RYR2: variants seen among roughly 807,000 people sequenced by gnomAD.
RYR2 encodes the protein cardiac muscle ryanodine receptor-calcium release channel.
Under a neutral mutation model 601.1 loss-of-function variants are expected in RYR2, and 227 were observed. The observed-to-expected ratio is 0.38, with a 90% CI of 0.34 to 0.42. The LOEUF (loss-of-function observed/expected upper bound fraction) is 0.42, where lower values mean the gene tolerates loss of function less well. RYR2 is among the 10% of genes least tolerant of loss of function. The pLI, the probability that RYR2 is intolerant of heterozygous loss-of-function variation, is 1.00. For synonymous variants in RYR2, 2,223 were observed against 2,175.1 expected (o/e 1.02, Z -0.61); for missense variants, 4,646 against 6,156.5 (o/e 0.75, Z 8.21).
intron 1 of RYR2, among the ~76,000 whole-genome samples, chr1:237,132,694 G>A (rs1672291581): frequency 6.6e-6 from 1 of 152,022 alleles, no homozygotes; most frequent in Non-Finnish European, 1.5e-5. Flanking sequence ...AAAAGAAAGG[G>A]GTAGAATAAG....
At chr1:237,606,309 A>C (rs986940772) in intron 35 of RYR2, among the ~76,000 whole-genome samples, 65 of 152,254 alleles carry the variant, frequency 4.3e-4, no homozygotes, top group Admixed American at 3.3e-4. Context: ...CAAAAACAAG[A>C]AATGGGGAAA....
At chr1:237,331,544 C>T (rs1467172627) in intron 3 of RYR2, among the ~76,000 whole-genome samples, 1 of 150,574 alleles carries the variant, frequency 6.6e-6, no homozygotes, top group African/African-American at 2.5e-5. Flanking sequence ...GCTCTGTCAC[C>T]CAGGCTGGAG....
chr1:237,744,688 G>C (rs925058792), intron 80 of RYR2, among the ~76,000 whole-genome samples: 4 of 147,128 alleles, frequency 2.7e-5, no homozygotes, highest in Non-Finnish European at 4.5e-5. Flanking sequence ...TAGTTTGTAA[G>C]TGTAAACTAT....
intron 12 of RYR2, among the ~76,000 whole-genome samples, chr1:237,435,899 G>A (rs1351796023): frequency 1.3e-5 from 2 of 152,142 alleles, no homozygotes; most frequent in African/African-American, 4.8e-5. Context: ...GATTGTGAGG[G>A]CTGGGTAAGT....
At chr1:237,296,548 A>G (rs922450794) in intron 2 of RYR2, among the ~76,000 whole-genome samples, 1 of 152,220 alleles carries the variant, frequency 6.6e-6, no homozygotes, top group African/African-American at 2.4e-5. Flanking sequence ...AGAGAAAGGC[A>G]GACTTATTAA....
chr1:237,789,530 A>AAT (rs1658100872), intron 92 of RYR2, among the ~76,000 whole-genome samples: 3 of 123,968 alleles, frequency 2.4e-5, no homozygotes, highest in South Asian at 2.4e-4. Flanking sequence ...TAGTTCTATT[A>AAT]TAGGTCATGG....
chr1:237,599,832 C>T (rs1676305917), intron 34 of RYR2, among the ~76,000 whole-genome samples: 1 of 138,036 alleles, frequency 7.2e-6, no homozygotes, highest in Non-Finnish European at 1.5e-5. Context: ...AAAAAAAAAT[C>T]AGTTATCTAG....
At chr1:237,274,624 G>T (rs777576480) in intron 2 of RYR2, among the ~76,000 whole-genome samples, 8 of 152,236 alleles carry the variant, frequency 5.3e-5, no homozygotes, top group African/African-American at 1.7e-4. Context: ...TGCAGCCTAA[G>T]TGTACAGCGT....
Position 237,677,897 on chromosome 1 carries a change from C to A in RYR2, c.8831-151C>A, listed in dbSNP as rs193001082. 4 of 596,150 alleles carry A rather than the reference C, an allele frequency of 6.7e-6. No homozygotes were observed. In the East Asian group the frequency reaches 8.4e-5, roughly 12 times the overall value. The allele number at this position is 596,150 out of a possible 1,614,324, so 36.9% of individuals were successfully genotyped here. ...CATCCTTTTATTTTTAATGACACTG[C>A]CAAAGTTTGCCTTTATATTTTTGGT... On this transcript the variant is annotated intron_variant, in intron 60 of 104. Transcript: ENST00000366574.
intron 25 of RYR2, among the ~76,000 whole-genome samples, chr1:237,531,134 T>C (rs1668100726): frequency 6.6e-6 from 1 of 152,218 alleles, no homozygotes; most frequent in South Asian, 2.1e-4. Flanking sequence ...AGCTTTCTAC[T>C]TTCTGCCCAA....
chr1:237,527,043 A>G (rs903819682), intron 24 of RYR2, among the ~76,000 whole-genome samples: 7 of 152,188 alleles, frequency 4.6e-5, no homozygotes, highest in African/African-American at 1.4e-4. Context: ...TTCCAGCACC[A>G]TTTATTGAAG....
At chr1:237,647,844 A>G (rs959537513) in intron 48 of RYR2, among the ~76,000 whole-genome samples, 3 of 152,352 alleles carry the variant, frequency 2.0e-5, no homozygotes, top group Middle Eastern at 3.4e-3. Flanking sequence ...CGGAGTGACT[A>G]TAAGGAATTC....
chr1:237,732,216 T>A, intron 78 of RYR2, 67 bp downstream of exon 78: 1 of 888,086 alleles, frequency 1.1e-6, no homozygotes, highest in East Asian at 2.5e-5. Flanking sequence ...CTGAGTATTC[T>A]GTGCCATGTG....
intron 1 of RYR2, among the ~76,000 whole-genome samples, chr1:237,244,843 G>T (rs1056754964): frequency 6.6e-6 from 1 of 152,118 alleles, no homozygotes; most frequent in Non-Finnish European, 1.5e-5. Flanking sequence ...GTCCAGTGGA[G>T]GCTCCCATTG....
chr1:237,447,792 T>C (rs1002250811), intron 14 of RYR2, among the ~76,000 whole-genome samples: 1 of 142,836 alleles, frequency 7.0e-6, no homozygotes, highest in Admixed American at 6.9e-5. Flanking sequence ...TCCTCCCTCC[T>C]TTCCTTCCCT....
intron 1 of RYR2, among the ~76,000 whole-genome samples, chr1:237,242,508 G>A (rs1244651000): frequency 2.0e-5 from 3 of 151,998 alleles, no homozygotes; most frequent in Non-Finnish European, 2.9e-5. Flanking sequence ...TTTAAGTCTT[G>A]TGAAGTAGAT....
chr1:237,141,821 AC>A (rs1340034719), intron 1 of RYR2, among the ~76,000 whole-genome samples: 3 of 152,110 alleles, frequency 2.0e-5, no homozygotes, highest in African/African-American at 7.2e-5. Flanking sequence ...TCTCAGAAAC[AC>A]CTTCTTCTTG....
At chr1:237,750,676 A>AT (rs969590168) in intron 80 of RYR2, among the ~76,000 whole-genome samples, 1 of 151,748 alleles carries the variant, frequency 6.6e-6, no homozygotes, top group African/African-American at 2.4e-5. Flanking sequence ...ATTCAATAGC[A>AT]TTTTTTTCCC....
At chr1:237,527,333 C>T (rs938019956) in intron 24 of RYR2, among the ~76,000 whole-genome samples, 6 of 152,156 alleles carry the variant, frequency 3.9e-5, no homozygotes, top group Non-Finnish European at 2.9e-5. Context: ...GTTAATCTCA[C>T]CCAAAAACAG....
Sources: gnomAD v4.1 joint callset for allele counts (sites outside exome capture counted in the v4.1 genomes callset) on GRCh38, gnomAD v4.1.1 for gene constraint, MANE v1.5 for transcripts, NCBI Gene and HGNC (gene_info 2026-07-23, HGNC 2026-07-21) for gene names.